GLIS1: variants seen among roughly 807,000 people sequenced by gnomAD.
GLIS1 encodes the protein GLIS family zinc finger 1.
A neutral mutation model predicts 63.8 loss-of-function variants in GLIS1; 24 were observed. The ratio of observed to expected loss-of-function variants is 0.38; its 90% CI spans 0.27 to 0.53. The LOEUF (loss-of-function observed/expected upper bound fraction) is 0.53, where lower values mean the gene tolerates loss of function less well. GLIS1 is among the 20% of genes least tolerant of loss of function. GLIS1 has a pLI of 0.85. For missense variants in GLIS1, 1,036 were observed against 1,074.1 expected, an observed-to-expected ratio of 0.96 and a Z score of 0.50; for synonymous variants, 450 against 482.5, an observed-to-expected ratio of 0.93 and a Z score of 0.88.
intron 2 of GLIS1, among the ~76,000 whole-genome samples, chr1:53,734,509 G>A (rs921706415): frequency 1.3e-5 from 2 of 152,202 alleles, no homozygotes; most frequent in Non-Finnish European, 1.5e-5. Context: ...CTGGAAGCCT[G>A]GAAACTGCCA....
intron 4 of GLIS1, among the ~76,000 whole-genome samples, chr1:53,562,955 T>A (rs552631022): frequency 6.6e-6 from 1 of 152,234 alleles, no homozygotes; most frequent in Non-Finnish European, 1.5e-5. Flanking sequence ...ATTTCACAGA[T>A]GAGGAAACGG....
chr1:53,618,736 G>A (rs1469400181), intron 2 of GLIS1, among the ~76,000 whole-genome samples: 1 of 152,170 alleles, frequency 6.6e-6, no homozygotes, highest in African/African-American at 2.4e-5. Flanking sequence ...ACATTGCCAA[G>A]GAGAAAGCCT....
chr1:53,725,218 G>GT (rs1013914083), intron 2 of GLIS1, among the ~76,000 whole-genome samples: 9 of 152,246 alleles, frequency 5.9e-5, no homozygotes, highest in African/African-American at 2.2e-4. Flanking sequence ...TCGGCAACAG[G>GT]TACAAGAAAA....
intron 2 of GLIS1, among the ~76,000 whole-genome samples, chr1:53,622,336 G>A (rs1490741706): frequency 6.7e-6 from 1 of 149,152 alleles, no homozygotes; most frequent in African/African-American, 2.5e-5. Context: ...ACTGAGGAAG[G>A]AGAATCATTT....
intron 2 of GLIS1, among the ~76,000 whole-genome samples, chr1:53,668,140 C>G (rs1030952161): frequency 2.0e-5 from 3 of 152,220 alleles, no homozygotes; most frequent in Admixed American, 6.5e-5. Flanking sequence ...CTGGGTTTCT[C>G]AACCTCAGAA....
chr1:53,527,012 C>T (rs780595965), intron 5 of GLIS1, among the ~76,000 whole-genome samples: 1 of 152,358 alleles, frequency 6.6e-6, no homozygotes, highest in African/African-American at 2.4e-5. Flanking sequence ...GCCAGCTCTG[C>T]TGGGAGCGCT....
intron 8 of GLIS1, among the ~76,000 whole-genome samples, chr1:53,510,441 G>A (rs527736261): frequency 1.3e-5 from 2 of 152,270 alleles, no homozygotes; most frequent in South Asian, 2.1e-4. Context: ...TCTCTGCCTC[G>A]TGCATGCCAC....
chr1:53,509,113 G>A lies in GLIS1; in HGVS notation c.2230+7C>T. 1 of 1,568,692 alleles carries A rather than the reference G, an allele frequency of 6.4e-7. No homozygotes were observed. Among genetic ancestry groups the A allele is most frequent in the Non-Finnish European group, 8.7e-7 (1 of 1,153,436 alleles). On this transcript the variant is annotated splice_region_variant and intron_variant, in intron 10 of 10. Transcript: ENST00000628545. ...CCAGGACTGGGAGCCACGCAGGCAG[G>A]GCTCACCTGTGGCAGGCAAGGGCGT...
chr1:53,630,258 C>T (rs1422028348), intron 2 of GLIS1, among the ~76,000 whole-genome samples: 2 of 152,178 alleles, frequency 1.3e-5, no homozygotes, highest in African/African-American at 2.4e-5. Flanking sequence ...TGTTGTTAGA[C>T]ATTGAGGTTG....
At position 53,538,563 on chromosome 1, in the gene GLIS1, C is replaced by T. The variant is rs377271201; in HGVS notation, c.1321-8611G>A. 1.2e-4 allele frequency among the ~76,000 whole-genome samples: 18 copies of T among 152,306 alleles called. No individual in the cohort carries two copies. The East Asian group carries it at 2.1e-3, about 18-fold the overall frequency. ...CTGGTCCCAGGTAGCCATGATCGAGCACTGCCATGAGAGGCAAGACCATCT... is the reference window on the plus strand; with the variant it reads ...CTGGTCCCAGGTAGCCATGATCGAGTACTGCCATGAGAGGCAAGACCATCT... On this transcript the variant is annotated intron_variant, in intron 4 of 10. Coordinates refer to ENST00000628545, the MANE Select transcript of GLIS1 (RefSeq NM_001367484.1).
chr1:53,587,054 G>A (rs568308169), intron 4 of GLIS1, among the ~76,000 whole-genome samples: 32 of 152,300 alleles, frequency 2.1e-4, no homozygotes, highest in Middle Eastern at 3.4e-3. Context: ...GAGTTGTGAA[G>A]GATGTATAGG....
chr1:53,507,766 C>T (rs1441720408), intron 10 of GLIS1, among the ~76,000 whole-genome samples: 1 of 152,164 alleles, frequency 6.6e-6, no homozygotes, highest in Non-Finnish European at 1.5e-5. Flanking sequence ...CGGTGTAGGG[C>T]CGGGGTGGGG....
intron 2 of GLIS1, among the ~76,000 whole-genome samples, chr1:53,725,241 G>A (rs1440511109): frequency 6.6e-6 from 1 of 152,178 alleles, no homozygotes; most frequent in Non-Finnish European, 1.5e-5. Flanking sequence ...GCTGCCCAAA[G>A]CAGTCCTCAA....
chr1:53,558,115 A>G lies in GLIS1; in HGVS notation c.1321-28163T>C, dbSNP rs2686112. Among the ~76,000 whole-genome samples, 525 of 152,272 alleles carry G rather than the reference A, an allele frequency of 3.4e-3. 5 individuals carry two copies. The highest frequency in any genetic ancestry group is 0.01 in the African/African-American group (419 of 41,556). ...GTACTGCCCCTCAGGCTGGAAGGGC[A>G]CACTGTCAAACACACGCAACGTGCA... On this transcript the variant is annotated intron_variant, in intron 4 of 10. Coordinates refer to ENST00000628545, the MANE Select transcript of GLIS1 (RefSeq NM_001367484.1).
At chr1:53,580,645 G>T (rs1322365865) in intron 4 of GLIS1, among the ~76,000 whole-genome samples, 1 of 152,108 alleles carries the variant, frequency 6.6e-6, no homozygotes, top group Non-Finnish European at 1.5e-5. Flanking sequence ...ATCTCTCTGG[G>T]CCTCAGTTTC....
chr1:53,721,549 C>T (rs1646755458), intron 2 of GLIS1, among the ~76,000 whole-genome samples: 2 of 152,098 alleles, frequency 1.3e-5, no homozygotes, highest in African/African-American at 4.8e-5. Flanking sequence ...CAGGTCCACA[C>T]ACCTGGTGCC....
intron 2 of GLIS1, among the ~76,000 whole-genome samples, chr1:53,604,565 T>G (rs1420206982): frequency 1.3e-5 from 2 of 152,238 alleles, no homozygotes; most frequent in East Asian, 3.8e-4. Flanking sequence ...CAGGCAGGCC[T>G]ACATCATGAC....
intron 4 of GLIS1, among the ~76,000 whole-genome samples, chr1:53,576,867 G>A (rs143562789): frequency 1.4e-3 from 212 of 151,888 alleles, no homozygotes; most frequent in Middle Eastern, 6.8e-3. Flanking sequence ...TGTCCCCCTC[G>A]GCTGCTTTCA....
At chr1:53,660,745 A>C (rs1416681208) in intron 2 of GLIS1, among the ~76,000 whole-genome samples, 2 of 152,186 alleles carry the variant, frequency 1.3e-5, no homozygotes, top group Non-Finnish European at 2.9e-5. Flanking sequence ...TCAGCTTGCT[A>C]TCTGGCTGGA....
Sources: allele counts gnomAD v4.1 joint callset (sites outside exome capture counted in the v4.1 genomes callset), GRCh38; gene constraint gnomAD v4.1.1; transcripts MANE v1.5; gene names NCBI Gene and HGNC (gene_info 2026-07-23, HGNC 2026-07-21).